The following HSPG2 variants were observed in gnomAD, a reference collection of about 807,000 sequenced individuals.
The protein encoded by HSPG2 is basement membrane-specific heparan sulfate proteoglycan core protein.
A neutral mutation model predicts 526.6 loss-of-function variants in HSPG2; 278 were observed. The ratio of observed to expected loss-of-function variants is 0.53; its 90% CI spans 0.48 to 0.58. HSPG2 has a LOEUF of 0.58. Ranked by LOEUF, HSPG2 falls within the 20% of genes least tolerant of loss-of-function variation. The pLI is 0.00. For synonymous variants in HSPG2, 2,465 were observed against 2,555.4 expected (o/e 0.96, Z 1.07); for missense variants, 5,354 against 6,099.5 (o/e 0.88, Z 4.07).
At position 21,833,344 on chromosome 1, in the gene HSPG2, G is replaced by A. The variant is rs1490146712; in HGVS notation, c.11019C>T (p.Phe3673=). Residue 3673 remains phenylalanine (F), a synonymous_variant, in exon 80 of 97, where the codon TTC becomes TTT. Transcript: ENST00000374695. ...CATCCTTGATGGTGGGCAGCGGTAGGAAGGAGTAGGGGGTCTGCGTGAAGT... is the reference window on the plus strand; with the variant it reads ...CATCCTTGATGGTGGGCAGCGGTAGAAAGGAGTAGGGGGTCTGCGTGAAGT... The part of the protein sequence containing the change: ...VPYFTQTPYS[F]LPLPTIKDAY... The A allele has an allele frequency of 6.2e-7, 1 of 1,614,144 alleles. No individual in the cohort carries two copies. The highest frequency in any genetic ancestry group is 8.5e-7 in the Non-Finnish European group (1 of 1,180,002).
chr1:21,876,747 A>C (rs1170791803), intron 21 of HSPG2, 95 bp from the exon 22 acceptor site: 2 of 1,538,242 alleles, frequency 1.3e-6, no homozygotes, highest in Non-Finnish European at 8.9e-7. Flanking sequence ...AGAACCCAAG[A>C]CCCAGGGGAG....
rs2152773281 is a variant in HSPG2, at chr1:21,896,208, C to T, written c.166G>A (p.Asp56Asn). Residue 56 changes from aspartate (D) to asparagine (N), a missense_variant, in exon 2 of 97, where the codon GAT (aspartate) becomes AAT (asparagine). By Grantham distance (23) the Asp-to-Asn change is conservative. Transcript: ENST00000374695. ...MRWTHSYLSD[D>N]EDMLADSISG... ...ATGCTGTCAGCCAGCATGTCCTCAT[C>T]ATCAGAAAGGTACGAATGTGTCCAG... 1 of 1,613,976 alleles carries T rather than the reference C, an allele frequency of 6.2e-7. No individual in the cohort carries two copies. Among genetic ancestry groups the T allele is most frequent in the South Asian group, 1.1e-5 (1 of 91,074 alleles).
intron 33 of HSPG2, chr1:21,870,847 C>G: frequency 1.0e-6 from 1 of 986,212 alleles, no homozygotes; most frequent in Non-Finnish European, 1.2e-6. Context: ...GTGAGCCCGG[C>G]GCATCCGCGC....
At chr1:21,885,594 C>A in intron 9 of HSPG2, 143 bp from the exon 10 acceptor site, 1 of 936,258 alleles carries the variant, frequency 1.1e-6, no homozygotes, top group Non-Finnish European at 1.6e-6. Context: ...CTGTCCAACT[C>A]ACAGCCAGCA....
intron 1 of HSPG2, among the ~76,000 whole-genome samples, chr1:21,930,274 A>G (rs541141209): frequency 6.6e-6 from 1 of 152,116 alleles, no homozygotes; most frequent in South Asian, 2.1e-4. Flanking sequence ...TTCAGTTCAA[A>G]TTTATCTTAT....
At position 21,904,352 on chromosome 1, in the gene HSPG2, G is replaced by T. The variant is rs1407568631; in HGVS notation, c.64-8042C>A. ...GGGAAGGGCACACGCTGAGGCCAGG[G>T]CTGGAGAGGGCACGGCACGTTCGCG... is the stretch of plus-strand genomic sequence containing the variant. On this transcript the variant is annotated intron_variant, in intron 1 of 96. Transcript: ENST00000374695. This position sits in a 1 kb window ranked among gnomAD's most constrained non-coding sequence, Gnocchi z 4.4. Among the ~76,000 whole-genome samples, 2 of 152,178 alleles carry T rather than the reference G, an allele frequency of 1.3e-5. No individual in the cohort carries two copies. The highest frequency in any genetic ancestry group is 2.9e-5 in the Non-Finnish European group (2 of 68,034).
At position 21,828,987 on chromosome 1, in the gene HSPG2, C is replaced by T. The variant is rs1321933297; in HGVS notation, c.12085G>A (p.Val4029Met). 1 of 1,573,242 alleles carries T rather than the reference C, an allele frequency of 6.4e-7. No homozygotes were observed. Reference protein sequence around the residue: ...ERLNKDGSLRVNGGRPVLRSS... With the variant: ...ERLNKDGSLRMNGGRPVLRSS... ...CGCAGCACAGGGCGTCCACCATTCA[C>T]CCGCAGGCTGCCGTCCTTGTTGAGA... Residue 4029 changes from valine (V) to methionine (M), a missense_variant, in exon 88 of 97, where the codon GTG becomes ATG. By Grantham distance (21) the Val-to-Met change is conservative. Coordinates refer to ENST00000374695, the MANE Select transcript of HSPG2 (RefSeq NM_005529.7). The surrounding 1 kb of genome is among the most constrained non-coding windows in gnomAD (Gnocchi z 6.0).
intron 86 of HSPG2, 144 bp downstream of exon 86, chr1:21,829,849 A>C: frequency 1.3e-6 from 1 of 799,892 alleles, no homozygotes; most frequent in Non-Finnish European, 2.1e-6. Context: ...CAGGCTGGGC[A>C]GACATGTGGC....
chr1:21,829,563 A>G lies in HSPG2; in HGVS notation c.11812T>C (p.Tyr3938His). ...TTPSLSGAGS[Y>H]LALPALTNTH... is the part of the protein sequence containing the mutation. ...TTGGTGAGGGCGGGCAGTGCCAGGT[A>G]GGAGCCAGCACCCGACAGCGAGGGG... The change falls in exon 87 of 97, where the codon TAC (tyrosine) becomes CAC (histidine). Residue 3938 changes from tyrosine (Y) to histidine (H), a missense_variant. Transcript: ENST00000374695. The G allele has an allele frequency of 6.2e-7, 1 of 1,610,622 alleles. No individual in the cohort carries two copies. The highest frequency in any genetic ancestry group is 8.5e-7 in the Non-Finnish European group (1 of 1,178,182).
intron 33 of HSPG2, chr1:21,870,848 G>C: frequency 1.0e-6 from 1 of 986,220 alleles, no homozygotes; most frequent in African/African-American, 1.7e-5. Context: ...TGAGCCCGGC[G>C]CATCCGCGCA....
chr1:21,930,315 T>A (rs1372792868), intron 1 of HSPG2, among the ~76,000 whole-genome samples: 1 of 152,206 alleles, frequency 6.6e-6, no homozygotes, highest in Non-Finnish European at 1.5e-5. Flanking sequence ...CCACCCTACC[T>A]ACCCCGCCTC....
Position 21,822,485 on chromosome 1 carries a change from G to A in HSPG2, c.*831C>T. 1 of 506,286 alleles carries A rather than the reference G, an allele frequency of 2.0e-6. No individual in the cohort carries two copies. The highest frequency in any genetic ancestry group is 3.6e-6 in the Non-Finnish European group (1 of 278,520). 31.4% of individuals were successfully genotyped at this position (506,286 alleles called of 1,614,324 possible). A position where few individuals can be genotyped will look rare whatever the true frequency, so the allele number is the denominator to read the frequency against. Reference sequence around the variant, plus strand: ...GCACTAGCTCTTCCTGAGCACCAGCGGCATCCGTCCGTCCGTTGTCTGTTG... The same window carrying A: ...GCACTAGCTCTTCCTGAGCACCAGCAGCATCCGTCCGTCCGTTGTCTGTTG... On this transcript the variant is annotated 3_prime_UTR_variant, in exon 97 of 97. Coordinates refer to ENST00000374695, the MANE Select transcript of HSPG2 (RefSeq NM_005529.7).
chr1:21,889,729 G>C (rs772626044), intron 6 of HSPG2: 11 of 553,568 alleles, frequency 2.0e-5, no homozygotes, highest in Non-Finnish European at 3.6e-5. Flanking sequence ...ATAAAGGCCT[G>C]ATTACCTATT....
rs536774505 is a variant in HSPG2, at chr1:21,866,242, G to A, written c.4222-433C>T. ...CTCGGAGGCCTTGCCTCCTAGGCAG[G>A]TGGTTTTTGTTTGCCCAGTATCCAG... On this transcript the variant is annotated intron_variant, in intron 33 of 96. Transcript: ENST00000374695. Among the ~76,000 whole-genome samples the A allele has an allele frequency of 3.3e-5, 5 of 152,358 alleles. No homozygotes were observed. In the South Asian group the frequency reaches 6.2e-4, roughly 19 times the overall value.
rs571025096 is a variant in HSPG2 at position 21,861,808 on chromosome 1, C to T, written c.4904G>A (p.Gly1635Glu). The stretch of plus-strand genomic sequence containing the variant: ...GGGTTCGCAGGCCGTGCAGCGGTAC[C>T]CGCCGGCTCCCAGGCTCTCACAGGT... Reference protein sequence around the residue: ...SRTCESLGAGGYRCTACEPGY... With the variant: ...SRTCESLGAGEYRCTACEPGY... The change falls in exon 39 of 97, where the codon GGG becomes GAG. Residue 1635 changes from glycine to glutamate, a missense_variant. Gly to Glu is a moderately conservative substitution (Grantham distance 98). Transcript: ENST00000374695. The T allele has an allele frequency of 1.9e-6, 3 of 1,613,816 alleles. No homozygotes were observed. The highest frequency in any genetic ancestry group is 1.1e-5 in the South Asian group (1 of 91,074).
intron 1 of HSPG2, among the ~76,000 whole-genome samples, chr1:21,923,490 C>G (rs945532548): frequency 6.6e-6 from 1 of 152,204 alleles, no homozygotes; most frequent in Non-Finnish European, 1.5e-5. Flanking sequence ...CTGAGACTCA[C>G]GATAAAATCG....
intron 3 of HSPG2, among the ~76,000 whole-genome samples, chr1:21,894,909 C>A (rs1642642726): frequency 6.6e-6 from 1 of 152,230 alleles, no homozygotes; most frequent in Non-Finnish European, 1.5e-5. Flanking sequence ...AAATGGAAAA[C>A]CTTCAGGCAG....
chr1:21,921,225 G>A (rs1178414501), intron 1 of HSPG2, among the ~76,000 whole-genome samples: 3 of 152,186 alleles, frequency 2.0e-5, no homozygotes, highest in Non-Finnish European at 4.4e-5. Flanking sequence ...AACTGGCAGA[G>A]TTGGGGGTTG....
At chr1:21,918,568 G>C (rs1643945337) in intron 1 of HSPG2, among the ~76,000 whole-genome samples, 1 of 151,780 alleles carries the variant, frequency 6.6e-6, no homozygotes, top group Admixed American at 6.6e-5. Context: ...CCATATACTT[G>C]ACAAACATTG....
Sources: gnomAD v4.1 joint callset for allele counts (sites outside exome capture counted in the v4.1 genomes callset) on GRCh38, gnomAD v4.1.1 for gene constraint, Gnocchi (gnomAD v3.1) non-coding constraint, MANE v1.5 for transcripts, NCBI Gene and HGNC (gene_info 2026-07-23, HGNC 2026-07-21) for gene names.